Variants in MROH7 observed in about 807,000 individuals in gnomAD.
MROH7 encodes maestro heat like repeat family member 7, also known as maestro heat-like repeat-containing protein family member 7.
Under a neutral mutation model 129.2 loss-of-function variants are expected in MROH7, and 113 were observed. The ratio of observed to expected loss-of-function variants is 0.87; its 90% CI spans 0.75 to 1.02. The LOEUF is 1.02. Ranked by LOEUF, MROH7 falls within the 50% of genes least tolerant of loss-of-function variation. MROH7 has a pLI of 0.00. For missense variants in MROH7, 1,601 were observed against 1,671.3 expected (o/e 0.96, Z 0.73); for synonymous variants, 655 against 667.9 (o/e 0.98, Z 0.30).
rs771945252 is a variant in MROH7 at position 54,696,467 on chromosome 1, C to T, written c.2964+977C>T. Reference sequence around the variant, plus strand: ...CTACTGAAACTCAACACCCACTAAACACAAACTCCCCGTTCCATTCCCTCA... The same window carrying T: ...CTACTGAAACTCAACACCCACTAAATACAAACTCCCCGTTCCATTCCCTCA... On this transcript the variant is annotated intron_variant, in intron 17 of 23. Transcript: ENST00000421030. 1.0e-3 allele frequency among the ~76,000 whole-genome samples: 156 copies of T among 152,126 alleles called. 5 individuals are homozygous for T. Among genetic ancestry groups the T allele is most frequent in the Non-Finnish European group, 3.7e-4 (25 of 68,024 alleles).
intron 12 of MROH7, among the ~76,000 whole-genome samples, chr1:54,679,653 T>C (rs1020267247): frequency 6.6e-5 from 10 of 152,128 alleles, no homozygotes; most frequent in African/African-American, 4.8e-5. Flanking sequence ...TCAACTGACT[T>C]GGTGGTGGGT....
At chr1:54,700,483 G>A (rs1187896507) in intron 18 of MROH7, 22 bp downstream of exon 18, 1 of 1,550,120 alleles carries the variant, frequency 6.5e-7, no homozygotes, top group Non-Finnish European at 8.7e-7. Context: ...GCAGAGGAAA[G>A]CCTGGCCCAG....
At chr1:54,686,022 A>C (rs994170333) in intron 14 of MROH7, among the ~76,000 whole-genome samples, 1 of 152,076 alleles carries the variant, frequency 6.6e-6, no homozygotes, top group Non-Finnish European at 1.5e-5. Context: ...TTGCATAAAC[A>C]TCAAAGCCCT....
chr1:54,673,873 C>A, intron 9 of MROH7, 68 bp downstream of exon 9: 1 of 1,531,890 alleles, frequency 6.5e-7, no homozygotes, highest in South Asian at 1.1e-5. Flanking sequence ...GAGCCCGTAC[C>A]TCTGTTCAGG....
intron 3 of MROH7, among the ~76,000 whole-genome samples, chr1:54,660,690 C>G (rs1644718411): frequency 6.6e-6 from 1 of 152,176 alleles, no homozygotes; most frequent in Non-Finnish European, 1.5e-5. Flanking sequence ...TGGCACATGC[C>G]TGTAATCCCA....
chr1:54,668,764 C>T (rs995350589), intron 4 of MROH7, 90 bp from the exon 5 acceptor site: 7 of 862,574 alleles, frequency 8.1e-6, no homozygotes, highest in South Asian at 6.1e-5. Flanking sequence ...CTGTAGGTGT[C>T]GGGTGGTTAA....
At chr1:54,670,615 C>G in intron 6 of MROH7, 39 bp downstream of exon 6, 1 of 1,576,390 alleles carries the variant, frequency 6.3e-7, no homozygotes, top group Middle Eastern at 1.7e-4. Context: ...AGCCCCTCTC[C>G]TCTCTTCCTC....
chr1:54,695,021 G>A (rs1032279394), intron 16 of MROH7, among the ~76,000 whole-genome samples: 3 of 152,182 alleles, frequency 2.0e-5, no homozygotes, highest in Admixed American at 6.5e-5. Context: ...CAATGTGAAA[G>A]CATGTGCCTG....
intron 10 of MROH7, among the ~76,000 whole-genome samples, chr1:54,674,891 T>C (rs994138466): frequency 6.6e-6 from 1 of 152,200 alleles, no homozygotes; most frequent in African/African-American, 2.4e-5. Flanking sequence ...CTCCTATCGC[T>C]GCTTAGTGGT....
At chr1:54,691,345 A>G (rs1645234579) in intron 15 of MROH7, among the ~76,000 whole-genome samples, 1 of 152,196 alleles carries the variant, frequency 6.6e-6, no homozygotes, top group African/African-American at 2.4e-5. Context: ...GGATTACCTA[A>G]TTACTTAAGT....
chr1:54,689,842 A>C (rs1645205888), intron 15 of MROH7, among the ~76,000 whole-genome samples: 1 of 152,060 alleles, frequency 6.6e-6, no homozygotes, highest in African/African-American at 2.4e-5. Context: ...AAACCCCATC[A>C]CTCCAAAAAA....
chr1:54,666,982 A>G (rs1229454704), intron 4 of MROH7, among the ~76,000 whole-genome samples: 1 of 152,174 alleles, frequency 6.6e-6, no homozygotes, highest in Non-Finnish European at 1.5e-5. Flanking sequence ...AAGCTTCTTC[A>G]ATTCAGTGTG....
Position 54,702,681 on chromosome 1 carries a change from G to A in MROH7, c.3500G>A (p.Arg1167Lys). 1.2e-6 allele frequency: 2 copies of A among 1,613,872 alleles called. No homozygotes were observed. The highest frequency in any genetic ancestry group is 1.7e-6 in the Non-Finnish European group (2 of 1,179,882). The part of the protein sequence containing the change: ...SYFMAWELPK[R>K]AYSRKPWDNQ... ...TTCATGGCTTGGGAGTTGCCAAAAA[G>A]AGCTTATAGCCGGAAGCCCTGGGAC... Residue 1167 changes from arginine to lysine, a missense_variant, in exon 21 of 24, where the codon AGA becomes AAA. Coordinates refer to ENST00000421030, the MANE Select transcript of MROH7 (RefSeq NM_001039464.4).
intron 7 of MROH7, among the ~76,000 whole-genome samples, chr1:54,671,966 G>A (rs1315460616): frequency 6.6e-6 from 1 of 152,160 alleles, no homozygotes. Flanking sequence ...CAGGGGTTGT[G>A]ATTGTGAAAC....
At chr1:54,706,777 G>A (rs1175653238) in intron 22 of MROH7, among the ~76,000 whole-genome samples, 2 of 152,196 alleles carry the variant, frequency 1.3e-5, no homozygotes, top group Non-Finnish European at 2.9e-5. Flanking sequence ...CACAACCTTG[G>A]CAACTGTATA....
intron 3 of MROH7, chr1:54,659,045 G>A (rs655337): frequency 3.5e-5 from 14 of 397,572 alleles, no homozygotes; most frequent in Non-Finnish European, 6.8e-5. Context: ...TGAACTTATT[G>A]CCAATAGAAT....
chr1:54,679,791 C>G lies in MROH7; in HGVS notation c.2227-100C>G, dbSNP rs1645039999. The G allele has an allele frequency of 1.2e-5, 14 of 1,209,650 alleles. No homozygotes were observed. In the South Asian group the frequency reaches 1.9e-4, roughly 16 times the overall value. 74.9% of individuals were successfully genotyped at this position (1,209,650 alleles called of 1,614,324 possible). A position where few individuals can be genotyped will look rare whatever the true frequency, so the allele number is the denominator to read the frequency against. On this transcript the variant is annotated intron_variant, in intron 12 of 23. Transcript: ENST00000421030. ...TCTCCTTTGGGCCTTCTCCCCTGTC[C>G]TCTAGCCTGTCACCCCCTTCCCTCT...
Position 54,702,670 on chromosome 1 carries a change from G to A in MROH7, c.3489G>A (p.Glu1163=), listed in dbSNP as rs1181683606. 2 of 1,613,728 alleles carry A rather than the reference G, an allele frequency of 1.2e-6. No individual in the cohort carries two copies. The highest frequency in any genetic ancestry group is 3.3e-5 in the Admixed American group (2 of 59,954). Residue 1163 remains glutamate (E), a synonymous_variant, in exon 21 of 24, where the codon GAG becomes GAA. Coordinates refer to ENST00000421030, the MANE Select transcript of MROH7 (RefSeq NM_001039464.4). ...GCTGTTCTTACTTCATGGCTTGGGA[G>A]TTGCCAAAAAGAGCTTATAGCCGGA... ...LLRCSYFMAW[E]LPKRAYSRKP...
intron 4 of MROH7, among the ~76,000 whole-genome samples, chr1:54,666,469 C>G (rs1644817385): frequency 8.1e-6 from 1 of 122,868 alleles, no homozygotes; most frequent in South Asian, 2.7e-4. Flanking sequence ...GGGTCTCGCT[C>G]TGTCACTCGG....
Sources: allele counts gnomAD v4.1 joint callset (sites outside exome capture counted in the v4.1 genomes callset), GRCh38; gene constraint gnomAD v4.1.1; transcripts MANE v1.5; gene names NCBI Gene and HGNC (gene_info 2026-07-23, HGNC 2026-07-21).